The following EXOC2 variants were observed in gnomAD, a reference collection of about 807,000 sequenced individuals.
EXOC2 encodes the protein exocyst complex component 2.
A neutral mutation model predicts 131.8 loss-of-function variants in EXOC2; 70 were observed. The ratio of observed to expected loss-of-function variants is 0.53; its 90% CI spans 0.44 to 0.65. The LOEUF (loss-of-function observed/expected upper bound fraction) is 0.65. Ranked by LOEUF, EXOC2 falls within the 30% of genes least tolerant of loss-of-function variation. The pLI, the probability that EXOC2 is intolerant of heterozygous loss-of-function variation, is 0.00. For synonymous variants in EXOC2, 411 were observed against 398.4 expected (o/e 1.03, Z -0.38); for missense variants, 923 against 1,108.6 (o/e 0.83, Z 2.38).
intron 2 of EXOC2, among the ~76,000 whole-genome samples, chr6:636,778 TG>T (rs1323909241): frequency 6.6e-6 from 1 of 152,244 alleles, no homozygotes; most frequent in Non-Finnish European, 1.5e-5. Context: ...TGAATGCATC[TG>T]TATACCCACC....
At position 485,181 on chromosome 6, in the gene EXOC2, T is replaced by C. The variant is rs148660507; in HGVS notation, c.*1490A>G. 5.9e-5 allele frequency: 9 copies of C among 152,382 alleles called. No homozygotes were observed. The East Asian group carries it at 1.7e-3, about 29-fold the overall frequency. 9.4% of individuals were successfully genotyped at this position (152,382 alleles called of 1,614,324 possible). On this transcript the variant is annotated 3_prime_UTR_variant, in exon 28 of 28. Coordinates refer to ENST00000230449, the MANE Select transcript of EXOC2 (RefSeq NM_018303.6). ...AAAGGCAGATTCTTTATTGGCTGAA[T>C]GTGCTGTAGTAGATATTTAAAATAT...
chr6:570,157 G>A (rs1238670771), intron 13 of EXOC2, among the ~76,000 whole-genome samples: 11 of 139,654 alleles, frequency 7.9e-5, no homozygotes, highest in East Asian at 2.1e-4. Context: ...TTTTTGAGAC[G>A]GAGTCTCGCG....
At position 554,513 on chromosome 6, in the gene EXOC2, C is replaced by T. The variant is rs921049277; in HGVS notation, c.2055-593G>A. Among the ~76,000 whole-genome samples the T allele has an allele frequency of 4.6e-5, 7 of 151,960 alleles. No individual in the cohort carries two copies. In the East Asian group the frequency reaches 7.7e-4, roughly 17 times the overall value. The stretch of plus-strand genomic sequence containing the variant: ...AATATGAAATCAAATCAAAGAAAAC[C>T]TAGGAGAATTAAAAACTTATTGGGT... On this transcript the variant is annotated intron_variant, in intron 20 of 27. Coordinates refer to ENST00000230449, the MANE Select transcript of EXOC2 (RefSeq NM_018303.6).
At chr6:588,181 C>T (rs1003572872) in intron 11 of EXOC2, among the ~76,000 whole-genome samples, 10 of 152,200 alleles carry the variant, frequency 6.6e-5, no homozygotes, top group African/African-American at 2.2e-4. Context: ...AAAAGCCTCT[C>T]ATGTGCTAGA....
intron 23 of EXOC2, among the ~76,000 whole-genome samples, chr6:520,729 C>T (rs1301904341): frequency 7.5e-6 from 1 of 133,974 alleles, no homozygotes; most frequent in Non-Finnish European, 1.6e-5. Context: ...CAACCACGCA[C>T]GGAGCGCCGA....
chr6:625,343 C>A (rs539786482), intron 4 of EXOC2, among the ~76,000 whole-genome samples: 2 of 152,346 alleles, frequency 1.3e-5, no homozygotes, highest in South Asian at 4.1e-4. Context: ...GCGCTTGCGG[C>A]AAAGAGAACA....
chr6:541,119 A>G (rs1003762324), intron 22 of EXOC2, among the ~76,000 whole-genome samples: 6 of 152,228 alleles, frequency 3.9e-5, no homozygotes, highest in African/African-American at 1.2e-4. Context: ...ACCTAAAAAC[A>G]TGATATTCTC....
chr6:537,856 C>A (rs764203254), intron 22 of EXOC2, among the ~76,000 whole-genome samples: 1 of 152,160 alleles, frequency 6.6e-6, no homozygotes, highest in Non-Finnish European at 1.5e-5. Context: ...TGGAACTCCA[C>A]GTAAAGTTCT....
At chr6:597,744 G>A (rs4960091) in intron 10 of EXOC2, among the ~76,000 whole-genome samples, 92,352 of 152,048 alleles carry the variant, frequency 0.61, 29,753 homozygotes, top group Non-Finnish European at 0.71. Context: ...GTACCCCTTT[G>A]CTCAGCAGGA....
At position 491,195 on chromosome 6, in the gene EXOC2, G is replaced by C; in HGVS notation, c.2560-9C>G. 1.2e-6 allele frequency: 2 copies of C among 1,614,052 alleles called. No homozygotes were observed. The highest frequency in any genetic ancestry group is 1.7e-6 in the Non-Finnish European group (2 of 1,179,958). On this transcript the variant is annotated splice_polypyrimidine_tract_variant and intron_variant, in intron 25 of 27. Coordinates refer to ENST00000230449, the MANE Select transcript of EXOC2 (RefSeq NM_018303.6). ...CAGATTTCAAGTCTCGCCTGAAAATGAGAAAAAGACAAAGTGACAACAGGA... is the reference window on the plus strand; with the variant it reads ...CAGATTTCAAGTCTCGCCTGAAAATCAGAAAAAGACAAAGTGACAACAGGA...
At chr6:540,511 C>A (rs985023431) in intron 22 of EXOC2, among the ~76,000 whole-genome samples, 1 of 152,078 alleles carries the variant, frequency 6.6e-6, no homozygotes, top group Non-Finnish European at 1.5e-5. Flanking sequence ...GGAGAAGAAA[C>A]ACAACTGAAA....
chr6:610,323 G>C, intron 6 of EXOC2, 145 bp from the exon 7 acceptor site: 1 of 672,468 alleles, frequency 1.5e-6, no homozygotes, highest in South Asian at 1.9e-5. Flanking sequence ...CCCTGTACAA[G>C]GTACCCAGCA....
At chr6:555,583 C>T (rs928573517) in intron 19 of EXOC2, among the ~76,000 whole-genome samples, 3 of 152,160 alleles carry the variant, frequency 2.0e-5, no homozygotes, top group African/African-American at 7.2e-5. Context: ...TATTCATTCA[C>T]CCACATTCTC....
intron 1 of EXOC2, among the ~76,000 whole-genome samples, chr6:663,565 G>A (rs918112867): frequency 1.4e-4 from 22 of 152,146 alleles, no homozygotes; most frequent in South Asian, 2.1e-4. Flanking sequence ...TGAATCCAGC[G>A]ACATATCAAA....
Position 678,857 on chromosome 6 carries a change from C to T in EXOC2, c.-44+14162G>A, listed in dbSNP as rs147960466. On this transcript the variant is annotated intron_variant, in intron 1 of 27. Transcript: ENST00000230449. ...AAACTACTGCTTTATTTTCTTGCCT[C>T]TTAATTTTTAGCATATTAACTCCAA... Among the ~76,000 whole-genome samples the T allele has an allele frequency of 3.9e-5, 6 of 152,276 alleles. No individual in the cohort carries two copies. In the East Asian group the frequency reaches 9.6e-4, roughly 24 times the overall value.
Position 500,101 on chromosome 6 carries a change from A to AAC in EXOC2, c.2381-403_2381-402dup, listed in dbSNP as rs370940218. Among the ~76,000 whole-genome samples, 179 of 151,888 alleles carry AAC rather than the reference A, an allele frequency of 1.2e-3. 1 individual carries two copies. The highest frequency in any genetic ancestry group is 4.0e-3 in the African/African-American group (167 of 41,402). ...ATACGGTAAAACATATATACTGTAA[A>AAC]ACACACACACACACTCAGTATAAGC... On this transcript the variant is annotated intron_variant, in intron 23 of 27. Coordinates refer to ENST00000230449, the MANE Select transcript of EXOC2 (RefSeq NM_018303.6).
chr6:599,277 A>G, intron 7 of EXOC2, 52 bp from the exon 8 acceptor site: 1 of 1,496,496 alleles, frequency 6.7e-7, no homozygotes, highest in Non-Finnish European at 9.0e-7. Flanking sequence ...TTTAATCAGA[A>G]AATGTGTAAC....
chr6:633,705 C>T (rs375877715), intron 2 of EXOC2, among the ~76,000 whole-genome samples: 3 of 152,142 alleles, frequency 2.0e-5, no homozygotes, highest in African/African-American at 4.8e-5. Context: ...ACTTTTACAT[C>T]GGTGTGTCAG....
intron 1 of EXOC2, among the ~76,000 whole-genome samples, chr6:652,250 C>G (rs1762867731): frequency 1.3e-5 from 2 of 152,084 alleles, no homozygotes; most frequent in Admixed American, 1.3e-4. Flanking sequence ...TTAAACTTCC[C>G]ATGTTATAAC....
Sources: allele counts gnomAD v4.1 joint callset (sites outside exome capture counted in the v4.1 genomes callset), GRCh38; gene constraint gnomAD v4.1.1; transcripts MANE v1.5; gene names NCBI Gene and HGNC (gene_info 2026-07-23, HGNC 2026-07-21).